Variants in BPIFB3 observed in about 807,000 individuals in gnomAD.
The protein encoded by BPIFB3 is BPI fold-containing family B member 3.
In BPIFB3, 49 loss-of-function variants were observed where a neutral mutation model predicts 53.1. The observed-to-expected ratio is 0.92, with a 90% CI of 0.73 to 1.17. The LOEUF (loss-of-function observed/expected upper bound fraction) is 1.17, where lower values mean the gene tolerates loss of function less well. BPIFB3 is among the 50% of genes most tolerant of loss of function. The pLI, the probability that BPIFB3 is intolerant of heterozygous loss-of-function variation, is 0.00. For missense variants in BPIFB3, 628 were observed against 592.5 expected, an observed-to-expected ratio of 1.06 and a Z score of -0.62; for synonymous variants, 271 against 269.6, an observed-to-expected ratio of 1.01 and a Z score of -0.05.
chr20:33,069,589 T>G (rs1324474661), intron 10 of BPIFB3, among the ~76,000 whole-genome samples: 5 of 152,176 alleles, frequency 3.3e-5, no homozygotes, highest in African/African-American at 1.2e-4. Flanking sequence ...AACTGTTACC[T>G]CACTGGAAAG....
chr20:33,070,437 C>T (rs760387119), intron 11 of BPIFB3, among the ~76,000 whole-genome samples: 8 of 152,224 alleles, frequency 5.3e-5, no homozygotes, highest in Non-Finnish European at 1.0e-4. Flanking sequence ...TTCATCTACA[C>T]GCACAGTACT....
chr20:33,072,214 G>A (rs771951295), intron 13 of BPIFB3, 47 bp downstream of exon 14: 6 of 1,582,438 alleles, frequency 3.8e-6, no homozygotes, highest in Non-Finnish European at 5.2e-6. Context: ...TCTGAATTTG[G>A]TATTGTCTAG....
intron 10 of BPIFB3, 69 bp downstream of exon 11, chr20:33,069,042 T>G: frequency 6.6e-7 from 1 of 1,518,142 alleles, no homozygotes; most frequent in South Asian, 1.2e-5. Flanking sequence ...TCTCCAGGAC[T>G]GTGGAGGTAC....
At chr20:33,057,052 C>T (rs1046311857) in intron 2 of BPIFB3, among the ~76,000 whole-genome samples, 1 of 152,152 alleles carries the variant, frequency 6.6e-6, no homozygotes, top group African/African-American at 2.4e-5. Context: ...CTTATCCCCA[C>T]CATACATTTT....
chr20:33,059,763 A>T, intron 3 of BPIFB3, 128 bp from the exon 5 acceptor site: 1 of 1,361,410 alleles, frequency 7.3e-7, no homozygotes, highest in Non-Finnish European at 9.9e-7. Context: ...GGAAGTGCAA[A>T]ATGGGGCAGG....
exon 8 of BPIFB3, chr20:33,064,833 C>T: frequency 6.2e-7 from 1 of 1,612,674 alleles, no homozygotes; most frequent in Non-Finnish European, 8.5e-7. Context: ...ACATGGACAT[C>T]ACCCCTGAGC....
chr20:33,070,866 C>A (rs141197081), intron 11 of BPIFB3, among the ~76,000 whole-genome samples: 331 of 152,284 alleles, frequency 2.2e-3, no homozygotes, highest in African/African-American at 7.8e-3. Flanking sequence ...CCTGAATCTG[C>A]ACTTGGGCCA....
chr20:33,059,941 G>A lies in BPIFB3; in HGVS notation c.437G>A (p.Arg146Gln), dbSNP rs781712029. 15 of 1,613,998 alleles carry A rather than the reference G, an allele frequency of 9.3e-6. No individual in the cohort carries two copies. Among genetic ancestry groups the A allele is most frequent in the African/African-American group, 5.3e-5 (4 of 74,938 alleles). ...GCTGCGGAGGTGAACGTGACATCGCGGGTGGCGCTGGCCGTGAGCTCAAGG... is the reference window on the plus strand; with the variant it reads ...GCTGCGGAGGTGAACGTGACATCGCAGGTGGCGCTGGCCGTGAGCTCAAGG... The change falls in exon 4 of 15, where the codon CGG (arginine) becomes CAG (glutamine). Residue 146 changes from arginine (R) to glutamine (Q), a missense_variant. Transcript: ENST00000375494.
intron 6 of BPIFB3, among the ~76,000 whole-genome samples, chr20:33,064,254 C>A (rs997193312): frequency 2.0e-5 from 3 of 152,280 alleles, no homozygotes; most frequent in Non-Finnish European, 4.4e-5. Flanking sequence ...TTTTGAACAC[C>A]GTGACTGTGT....
At chr20:33,069,789 C>G in intron 10 of BPIFB3, 99 bp from the exon 12 acceptor site, 1 of 1,183,372 alleles carries the variant, frequency 8.5e-7, no homozygotes, top group Non-Finnish European at 1.3e-6. Flanking sequence ...AGTAGGGCCT[C>G]AGTAAGGGTT....
In BPIFB3 at chr20:33,056,547, C is replaced by T. The variant is rs1241135542; in HGVS notation, c.130C>T (p.Gln44Ter). Reference sequence around the variant, plus strand: ...TACTTCCACTCTCTCTGCAGCCATCCAGAACTCACTGGTTGGGGAGCCCAT... The same window carrying T: ...TACTTCCACTCTCTCTGCAGCCATCTAGAACTCACTGGTTGGGGAGCCCAT... Residue 44 changes from glutamine to a stop codon, truncating the protein, a stop_gained, in exon 2 of 15, where the codon CAG becomes TAG. Coordinates refer to ENST00000375494, the Ensembl canonical transcript of BPIFB3. LOFTEE classifies it high-confidence loss of function. 4 of 1,613,732 alleles carry T rather than the reference C, an allele frequency of 2.5e-6. No individual in the cohort carries two copies. The highest frequency in any genetic ancestry group is 3.4e-6 in the Non-Finnish European group (4 of 1,180,006).
chr20:33,063,717 C>T (rs747918742), intron 6 of BPIFB3, 42 bp downstream of exon 7: 115 of 1,601,564 alleles, frequency 7.2e-5, no homozygotes, highest in Admixed American at 1.2e-4. Context: ...CCCTTCTACC[C>T]GTCTCTGTAT....
intron 14 of BPIFB3, 125 bp downstream of exon 15, chr20:33,072,918 T>C: frequency 1.2e-6 from 1 of 845,230 alleles, no homozygotes; most frequent in Non-Finnish European, 1.9e-6. Flanking sequence ...ATTTTCTAAA[T>C]TTCTCAGTGA....
At chr20:33,059,930 C>T (rs755935489) in exon 4 of BPIFB3, 133 of 1,614,018 alleles carry the variant, frequency 8.2e-5, no homozygotes, top group Non-Finnish European at 1.0e-4. Context: ...CGGAGGTGAA[C>T]GTGACATCGC....
Position 33,069,869 on chromosome 20 carries a change from G to A in BPIFB3, c.1150-19G>A. The A allele has an allele frequency of 6.2e-7, 1 of 1,614,092 alleles. No homozygotes were observed. Among genetic ancestry groups the A allele is most frequent in the Non-Finnish European group, 8.5e-7 (1 of 1,179,996 alleles). On this transcript the variant is annotated intron_variant, in intron 10 of 14. Coordinates refer to ENST00000375494, the Ensembl canonical transcript of BPIFB3. ...CTTCTGCCGATTGGGGGTGACTTCTGCCTGCTTTGCCCATGCAGGTCATGA... is the reference window on the plus strand; with the variant it reads ...CTTCTGCCGATTGGGGGTGACTTCTACCTGCTTTGCCCATGCAGGTCATGA...
chr20:33,056,752 A>G, intron 2 of BPIFB3, 54 bp downstream of exon 3: 31 of 1,506,602 alleles, frequency 2.1e-5, no homozygotes, highest in Non-Finnish European at 2.7e-5. Context: ...GCTTCCAGGA[A>G]TTGAGGAGAG....
chr20:33,068,465 T>C (rs1304645665), intron 9 of BPIFB3, among the ~76,000 whole-genome samples: 1 of 152,142 alleles, frequency 6.6e-6, no homozygotes, highest in Non-Finnish European at 1.5e-5. Context: ...AGCAGCCACG[T>C]GGCCAGTGAG....
chr20:33,060,629 G>A (rs1701978187), intron 4 of BPIFB3, among the ~76,000 whole-genome samples: 2 of 152,048 alleles, frequency 1.3e-5, no homozygotes, highest in Admixed American at 6.6e-5. Context: ...GAGTGCAGTG[G>A]TGCCATCTCG....
intron 1 of BPIFB3, among the ~76,000 whole-genome samples, chr20:33,055,921 G>A (rs751064784): frequency 1.1e-4 from 17 of 152,124 alleles, no homozygotes; most frequent in Admixed American, 2.6e-4. Flanking sequence ...TACAGAGCCC[G>A]GTGGCCTGTG....
Sources: allele counts gnomAD v4.1 joint callset (sites outside exome capture counted in the v4.1 genomes callset), GRCh38; gene constraint gnomAD v4.1.1; transcripts MANE v1.5; gene names NCBI Gene and HGNC (gene_info 2026-07-23, HGNC 2026-07-21).